The following GNAL variants were observed in gnomAD, a reference collection of about 807,000 sequenced individuals.
GNAL encodes guanine nucleotide-binding protein G(olf) subunit alpha.
GNAL carries 18 observed loss-of-function variants against 55.1 expected under a neutral mutation model. The ratio of observed to expected loss-of-function variants is 0.33; its 90% CI spans 0.23 to 0.48. The LOEUF (loss-of-function observed/expected upper bound fraction) is 0.48. GNAL is among the 20% of genes least tolerant of loss of function. GNAL has a pLI of 0.99. For missense variants in GNAL, 412 were observed against 614.1 expected, an observed-to-expected ratio of 0.67 and a Z score of 3.48; for synonymous variants, 253 against 237.0, an observed-to-expected ratio of 1.07 and a Z score of -0.62.
chr18:11,861,646 C>T (rs1395531519), intron 5 of GNAL, among the ~76,000 whole-genome samples: 3 of 152,146 alleles, frequency 2.0e-5, no homozygotes, highest in Admixed American at 6.5e-5. Flanking sequence ...GTGCAGGGGC[C>T]GTGGTCACTC....
intron 1 of GNAL, among the ~76,000 whole-genome samples, chr18:11,690,678 C>T (rs913676491): frequency 7.1e-6 from 1 of 140,504 alleles, no homozygotes; most frequent in Non-Finnish European, 1.5e-5. Flanking sequence ...TCTCATTGTT[C>T]AATTCCCACC....
Position 11,752,766 on chromosome 18 carries a change from G to C in GNAL, c.377-87G>C. On this transcript the variant is annotated intron_variant, in intron 1 of 11. Transcript: ENST00000334049. The surrounding 1 kb of genome is among the most constrained non-coding windows in gnomAD (Gnocchi z 4.5). Reference sequence around the variant, plus strand: ...CGTGTAGGAAATCCCCGTGCTGGGGGAGGAGGATTGCTCAGACCCGGCTAG... The same window carrying C: ...CGTGTAGGAAATCCCCGTGCTGGGGCAGGAGGATTGCTCAGACCCGGCTAG... 1.9e-6 allele frequency: 2 copies of C among 1,067,926 alleles called. No individual in the cohort carries two copies. The highest frequency in any genetic ancestry group is 2.8e-6 in the Non-Finnish European group (2 of 718,668). 66.2% of individuals were successfully genotyped at this position (1,067,926 alleles called of 1,614,324 possible).
At chr18:11,742,694 C>T (rs1199112881) in intron 1 of GNAL, among the ~76,000 whole-genome samples, 5 of 152,210 alleles carry the variant, frequency 3.3e-5, no homozygotes, top group African/African-American at 1.2e-4. Flanking sequence ...TGCCTTCTCA[C>T]CTTAAATGTG....
chr18:11,841,381 G>C (rs556474637), intron 5 of GNAL, among the ~76,000 whole-genome samples: 81 of 152,142 alleles, frequency 5.3e-4, no homozygotes, highest in African/African-American at 1.9e-3. Flanking sequence ...GCCGGGCACG[G>C]TGGCCTATAA....
rs540948943 is a variant in GNAL, at chr18:11,832,194, G to A, written c.722+7179G>A. ...TCTTTAGCATAGCTTTATAAAATCG[G>A]ACTTTGCTTAATGGAACTTTAAACT... On this transcript the variant is annotated intron_variant, in intron 5 of 11. Transcript: ENST00000334049. Among the ~76,000 whole-genome samples the A allele has an allele frequency of 1.2e-4, 19 of 152,256 alleles. No homozygotes were observed. The South Asian group carries it at 3.9e-3, about 32-fold the overall frequency.
At position 11,883,473 on chromosome 18, in the gene GNAL, T is replaced by C. The variant is rs957829971; in HGVS notation, c.*2338T>C. ...AGAAAAAAAACAAAAAGAATAACTT[T>C]TATCTGGCTTACAATTATTAAAGCA... On this transcript the variant is annotated 3_prime_UTR_variant, in exon 12 of 12. Transcript: ENST00000334049. The C allele has an allele frequency of 6.5e-5, 10 of 153,542 alleles. No individual in the cohort carries two copies. Among genetic ancestry groups the C allele is most frequent in the African/African-American group, 2.4e-4 (10 of 41,466 alleles). 9.5% of individuals were successfully genotyped at this position (153,542 alleles called of 1,614,324 possible). A position where few individuals can be genotyped will look rare whatever the true frequency, so the allele number is the denominator to read the frequency against.
At chr18:11,879,845 G>A (rs527708600) in intron 11 of GNAL, among the ~76,000 whole-genome samples, 38 of 152,314 alleles carry the variant, frequency 2.5e-4, no homozygotes, top group African/African-American at 8.9e-4. Context: ...GGCAGCAAAC[G>A]TTCCCCCGAT....
At position 11,689,860 on chromosome 18, in the gene GNAL, G is replaced by GA; in HGVS notation, c.300dup (p.Val101SerfsTer29). ...AGCGCGAGGCGGTCAAGGAGGCGAG[G>GA]AAAGTGAGCCGGGGCATCGACCGCA... On this transcript the variant is annotated frameshift_variant, in exon 1 of 12. Coordinates refer to ENST00000334049, the MANE Select transcript of GNAL (RefSeq NM_182978.4). LOFTEE classifies it high-confidence loss of function. The GA allele has an allele frequency of 6.6e-7, 1 of 1,522,532 alleles. No individual in the cohort carries two copies. The highest frequency in any genetic ancestry group is 8.8e-7 in the Non-Finnish European group (1 of 1,138,024). 94.3% of individuals were successfully genotyped at this position (1,522,532 alleles called of 1,614,324 possible).
intron 1 of GNAL, among the ~76,000 whole-genome samples, chr18:11,735,357 G>A (rs980610974): frequency 1.3e-5 from 2 of 152,040 alleles, no homozygotes; most frequent in African/African-American, 4.8e-5. Context: ...GACCTGATAA[G>A]GTATTGATAA....
At chr18:11,807,358 G>T (rs751877972) in intron 4 of GNAL, among the ~76,000 whole-genome samples, 38 of 152,218 alleles carry the variant, frequency 2.5e-4, no homozygotes, top group Non-Finnish European at 4.1e-4. Context: ...GAACAGACCA[G>T]ATAGGAGGCT....
At chr18:11,853,244 C>G (rs2035923600) in intron 5 of GNAL, 1 of 167,106 alleles carries the variant, frequency 6.0e-6, no homozygotes, top group South Asian at 2.1e-4. Context: ...ATCCAGCCAG[C>G]TGGAAATCTG....
chr18:11,712,306 G>C (rs985231220), intron 1 of GNAL, among the ~76,000 whole-genome samples: 4 of 152,192 alleles, frequency 2.6e-5, no homozygotes, highest in Admixed American at 1.3e-4. Context: ...GTCTTTCTGG[G>C]CACTGTGCTG....
At chr18:11,701,561 C>CAAAA (rs36089846) in intron 1 of GNAL, among the ~76,000 whole-genome samples, 4 of 56,386 alleles carry the variant, frequency 7.1e-5, no homozygotes, top group Admixed American at 2.1e-4. Context: ...GCAAGAATCT[C>CAAAA]AAAAAAAAAA....
At chr18:11,848,049 G>A (rs1337281198) in intron 5 of GNAL, among the ~76,000 whole-genome samples, 10 of 152,184 alleles carry the variant, frequency 6.6e-5, no homozygotes, top group Admixed American at 6.5e-4. Flanking sequence ...AGATTTGGGG[G>A]AAAGGACTGA....
At chr18:11,876,542 G>C (rs369763115) in intron 10 of GNAL, 79 bp from the exon 11 acceptor site, 11 of 887,702 alleles carry the variant, frequency 1.2e-5, no homozygotes, top group Non-Finnish European at 2.1e-5. Context: ...GTCTAACGTT[G>C]AAATTCCTTC....
rs1465199704 is a variant in GNAL at position 11,752,265 on chromosome 18, G to A, written c.377-588G>A. On this transcript the variant is annotated intron_variant, in intron 1 of 11. Coordinates refer to ENST00000334049, the MANE Select transcript of GNAL (RefSeq NM_182978.4). This position sits in a 1 kb window ranked among gnomAD's most constrained non-coding sequence, Gnocchi z 4.5. Reference sequence around the variant, plus strand: ...AGTTGGGAGTTTGCGGTGGGCAGGGGGAGGGAGAAGAAACGCCTGCTCTGA... The same window carrying A: ...AGTTGGGAGTTTGCGGTGGGCAGGGAGAGGGAGAAGAAACGCCTGCTCTGA... 5.8e-6 allele frequency: 8 copies of A among 1,370,982 alleles called. No homozygotes were observed. Among genetic ancestry groups the A allele is most frequent in the Non-Finnish European group, 7.6e-6 (8 of 1,056,470 alleles). 84.9% of individuals were successfully genotyped at this position (1,370,982 alleles called of 1,614,324 possible).
chr18:11,784,481 A>G (rs575326009), intron 4 of GNAL, among the ~76,000 whole-genome samples: 25 of 152,324 alleles, frequency 1.6e-4, no homozygotes, highest in African/African-American at 6.0e-4. Context: ...CACAAGCCTA[A>G]TGCTGTGCTT....
intron 4 of GNAL, among the ~76,000 whole-genome samples, chr18:11,797,801 A>G (rs1326329348): frequency 6.6e-6 from 1 of 152,128 alleles, no homozygotes; most frequent in Non-Finnish European, 1.5e-5. Context: ...TGAATCTGAT[A>G]TGCATTCTTT....
rs113638776 is a variant in GNAL, at chr18:11,735,331, G to A, written c.377-17522G>A. ...CTTCCAAAGTGCTGGGATTACTGGT[G>A]TGAGCCACTGTGCCCGACCTGATAA... On this transcript the variant is annotated intron_variant, in intron 1 of 11. Coordinates refer to ENST00000334049, the MANE Select transcript of GNAL (RefSeq NM_182978.4). 5.6e-3 allele frequency among the ~76,000 whole-genome samples: 857 copies of A among 152,196 alleles called. 5 individuals carry two copies. The highest frequency in any genetic ancestry group is 0.019 in the African/African-American group (797 of 41,526).
Sources: allele counts gnomAD v4.1 joint callset (sites outside exome capture counted in the v4.1 genomes callset), GRCh38; gene constraint gnomAD v4.1.1; non-coding constraint Gnocchi (gnomAD v3.1); transcripts MANE v1.5; gene names NCBI Gene and HGNC (gene_info 2026-07-23, HGNC 2026-07-21).